VAV2: variants seen among roughly 807,000 people sequenced by gnomAD.
The protein encoded by VAV2 is guanine nucleotide exchange factor VAV2.
VAV2 carries 67 observed loss-of-function variants against 132.5 expected under a neutral mutation model. The observed-to-expected ratio is 0.51, with a 90% CI of 0.42 to 0.62. The LOEUF is 0.62. VAV2 is among the 20% of genes least tolerant of loss of function. The pLI is 0.00. For synonymous variants in VAV2, 492 were observed against 443.5 expected (o/e 1.11, Z -1.37); for missense variants, 938 against 1,153.6 (o/e 0.81, Z 2.71).
chr9:133,807,430 G>T, intron 7 of VAV2, 104 bp from the exon 8 acceptor site: 2 of 1,200,292 alleles, frequency 1.7e-6, no homozygotes, highest in East Asian at 2.7e-5. Context: ...GGCAGGCACT[G>T]GGGTGCTCCA....
intron 1 of VAV2, among the ~76,000 whole-genome samples, chr9:133,979,047 G>A (rs1013762282): frequency 7.2e-5 from 11 of 152,186 alleles, no homozygotes; most frequent in Non-Finnish European, 1.0e-4. Context: ...TGCAGGTCCC[G>A]GAGCGCCCAC....
chr9:133,873,111 G>A (rs1838126302), intron 2 of VAV2, among the ~76,000 whole-genome samples: 1 of 133,802 alleles, frequency 7.5e-6, no homozygotes, highest in Non-Finnish European at 1.6e-5. Flanking sequence ...AGGGGGCGGG[G>A]GGGTGGGGGA....
chr9:133,841,047 G>C (rs547635226), intron 3 of VAV2, among the ~76,000 whole-genome samples: 1 of 152,234 alleles, frequency 6.6e-6, no homozygotes, highest in Admixed American at 6.5e-5. Flanking sequence ...TGGTTTTTAA[G>C]ACAAAGACCA....
chr9:133,913,720 C>A (rs1444686094), intron 2 of VAV2, among the ~76,000 whole-genome samples: 2 of 152,270 alleles, frequency 1.3e-5, no homozygotes, highest in African/African-American at 2.4e-5. Flanking sequence ...GAACTCCCAA[C>A]CCCATGGAGA....
intron 4 of VAV2, among the ~76,000 whole-genome samples, chr9:133,831,124 C>T (rs774136841): frequency 2.0e-5 from 3 of 152,056 alleles, no homozygotes; most frequent in Admixed American, 6.6e-5. Flanking sequence ...ACAATCAGGA[C>T]GGGCAGAGAA....
intron 3 of VAV2, among the ~76,000 whole-genome samples, chr9:133,858,195 G>A (rs952178781): frequency 1.3e-5 from 2 of 152,174 alleles, no homozygotes; most frequent in African/African-American, 2.4e-5. Flanking sequence ...GTTGGGCCAC[G>A]CAGCGTATGC....
At position 133,807,284 on chromosome 9, in the gene VAV2, T is replaced by C. The variant is rs766101488; in HGVS notation, c.709A>G (p.Met237Val). Reference protein sequence around the residue: ...PLRLVLSPADMAAVFINLEDL... With the variant: ...PLRLVLSPADVAAVFINLEDL... ...TCCAGGTTAATGAAGACAGCTGCCA[T>C]GTCCGCCGGGCTCAGCACCAGCCGC... The change falls in exon 8 of 30, where the codon ATG becomes GTG. Residue 237 changes from methionine (M) to valine (V), a missense_variant. Transcript: ENST00000371850. 43 of 1,611,094 alleles carry C rather than the reference T, an allele frequency of 2.7e-5. No individual in the cohort carries two copies. The highest frequency in any genetic ancestry group is 8.4e-5 in the Admixed American group (5 of 59,836).
At chr9:133,896,517 C>A (rs997462849) in intron 2 of VAV2, among the ~76,000 whole-genome samples, 2 of 152,102 alleles carry the variant, frequency 1.3e-5, no homozygotes, top group African/African-American at 4.8e-5. Flanking sequence ...CAGGTCGAAA[C>A]GTGGGGACGA....
At chr9:133,797,689 C>A in intron 10 of VAV2, 21 bp downstream of exon 10, 1 of 1,605,276 alleles carries the variant, frequency 6.2e-7, no homozygotes, top group Non-Finnish European at 8.5e-7. Flanking sequence ...AGGGCCAGGG[C>A]CAACGCCTGG....
chr9:133,802,659 T>A lies in VAV2; in HGVS notation c.836+3422A>T, dbSNP rs910590392. ...TGTGTGAGGATCATGTTTTTTAACTTTCTGAGTACGTCAAATTCTGAACCC... is the reference window on the plus strand; with the variant it reads ...TGTGTGAGGATCATGTTTTTTAACTATCTGAGTACGTCAAATTCTGAACCC... On this transcript the variant is annotated intron_variant, in intron 9 of 29. Transcript: ENST00000371850. This position sits in a 1 kb window ranked among gnomAD's most constrained non-coding sequence, Gnocchi z 5.8. Among the ~76,000 whole-genome samples, 3 of 152,196 alleles carry A rather than the reference T, an allele frequency of 2.0e-5. No homozygotes were observed. Among genetic ancestry groups the A allele is most frequent in the African/African-American group, 7.2e-5 (3 of 41,430 alleles).
rs1179253717 is a variant in VAV2, at chr9:133,785,903, G to C, written c.1423-18C>G. 1 of 1,606,038 alleles carries C rather than the reference G, an allele frequency of 6.2e-7. No individual in the cohort carries two copies. The highest frequency in any genetic ancestry group is 8.5e-7 in the Non-Finnish European group (1 of 1,174,140). ...TAGGACCACTGCAGGGGGGAGAGGG[G>C]CCATGCTTGCAATAGACACGGCTTC... On this transcript the variant is annotated intron_variant, in intron 16 of 29. Transcript: ENST00000371850.
Position 133,875,306 on chromosome 9 carries a change from A to G in VAV2, c.322-13874T>C, listed in dbSNP as rs1400359144. Among the ~76,000 whole-genome samples, 11 of 152,288 alleles carry G rather than the reference A, an allele frequency of 7.2e-5. No homozygotes were observed. The South Asian group carries it at 2.3e-3, about 32-fold the overall frequency. On this transcript the variant is annotated intron_variant, in intron 2 of 29. Coordinates refer to ENST00000371850, the MANE Select transcript of VAV2 (RefSeq NM_001134398.2). ...CCCAGCCACTGCCTGGCCTGGCTTC[A>G]CAGAGCCAACTGCCCCCACCACACA...
chr9:133,846,016 G>A (rs903716349), intron 3 of VAV2, among the ~76,000 whole-genome samples: 1 of 152,194 alleles, frequency 6.6e-6, no homozygotes, highest in African/African-American at 2.4e-5. Context: ...GGGCACAGTG[G>A]GGCCCCAATC....
At chr9:133,981,228 G>C (rs1254412315) in intron 1 of VAV2, among the ~76,000 whole-genome samples, 1 of 152,188 alleles carries the variant, frequency 6.6e-6, no homozygotes, top group African/African-American at 2.4e-5. Flanking sequence ...GGTGTTGTAG[G>C]ACCATCTGGC....
rs1564383872 is a variant in VAV2 at position 133,827,177 on chromosome 9, GCGCCCAC to G, written c.449+7088_449+7094del. On this transcript the variant is annotated intron_variant, in intron 4 of 29. Transcript: ENST00000371850. ...AGAAGCCAATGTGCCACCTACCGCT[GCGCCCAC>G]TGGGGCTGACCACTGAGCATGGGCA... is the stretch of plus-strand genomic sequence containing the variant. 1.1e-4 allele frequency among the ~76,000 whole-genome samples: 17 copies of G among 151,008 alleles called. 3 individuals are homozygous for G. The highest frequency in any genetic ancestry group is 3.2e-4 in the African/African-American group (13 of 40,788).
rs1260003591 is a variant in VAV2, at chr9:133,795,726, C to T, written c.1043G>A (p.Ser348Asn). ...KYHLLLKELL[S>N]HSAERPERQQ... ...CCTCTCAGGCCGTTCCGCAGAATGG[C>T]TCAGAAGCTCCTGGAAGGGTGAGAA... The change falls in exon 12 of 30, where the codon AGC (serine) becomes AAC (asparagine). Residue 348 changes from serine to asparagine, a missense_variant. Transcript: ENST00000371850. 3 of 1,614,030 alleles carry T rather than the reference C, an allele frequency of 1.9e-6. No homozygotes were observed. The Admixed American group carries it at 5.0e-5, about 27-fold the overall frequency.
rs75781075 is a variant in VAV2, at chr9:133,966,196, G to A, written c.204+25879C>T. Among the ~76,000 whole-genome samples, 582 of 152,276 alleles carry A rather than the reference G, an allele frequency of 3.8e-3. 2 individuals are homozygous for A. The highest frequency in any genetic ancestry group is 0.013 in the East Asian group (67 of 5,186). Reference sequence around the variant, plus strand: ...TAAAACTACTGAAAGAAAACATTGGGGAAATGCTTCCGGACATTGGTCTGG... The same window carrying A: ...TAAAACTACTGAAAGAAAACATTGGAGAAATGCTTCCGGACATTGGTCTGG... On this transcript the variant is annotated intron_variant, in intron 1 of 29. Coordinates refer to ENST00000371850, the MANE Select transcript of VAV2 (RefSeq NM_001134398.2).
intron 2 of VAV2, among the ~76,000 whole-genome samples, chr9:133,868,998 CTTT>C (rs112644029): frequency 4.9e-5 from 7 of 142,338 alleles, no homozygotes; most frequent in Admixed American, 7.0e-5. Context: ...TCTATTTATT[CTTT>C]TTTTTTTTTT....
intron 9 of VAV2, among the ~76,000 whole-genome samples, chr9:133,803,227 G>A (rs183501161): frequency 8.5e-5 from 13 of 152,164 alleles, no homozygotes; most frequent in Non-Finnish European, 1.3e-4. Flanking sequence ...GGAGGAGGGC[G>A]TGGCCTTCGT....
Sources: gnomAD v4.1 joint callset for allele counts (sites outside exome capture counted in the v4.1 genomes callset) on GRCh38, gnomAD v4.1.1 for gene constraint, Gnocchi (gnomAD v3.1) non-coding constraint, MANE v1.5 for transcripts, NCBI Gene and HGNC (gene_info 2026-07-23, HGNC 2026-07-21) for gene names.